CSMD1: variants seen among roughly 807,000 people sequenced by gnomAD.
CSMD1 encodes the protein CUB and Sushi multiple domains 1.
CSMD1 carries 213 observed loss-of-function variants against 417.5 expected under a neutral mutation model. The ratio of observed to expected loss-of-function variants is 0.51; its 90% CI spans 0.46 to 0.57. The LOEUF (loss-of-function observed/expected upper bound fraction) is 0.57, where lower values mean the gene tolerates loss of function less well. Among genes scored for constraint, CSMD1 ranks in the 20% least tolerant of loss-of-function variants. The pLI is 0.00. For missense variants in CSMD1, 6,923 were observed against 4,529.7 expected (o/e 1.53, Z -15.17); for synonymous variants, 2,862 against 1,736.8 (o/e 1.65, Z -16.11).
chr8:4,453,867 G>A (rs1043058957), intron 2 of CSMD1, among the ~76,000 whole-genome samples: 6 of 115,560 alleles, frequency 5.2e-5, no homozygotes, highest in African/African-American at 1.3e-4. Context: ...TGTCACCCAC[G>A]CTGGAGTGCA....
At chr8:4,179,008 T>C (rs1157809721) in intron 3 of CSMD1, among the ~76,000 whole-genome samples, 2 of 152,084 alleles carry the variant, frequency 1.3e-5, no homozygotes, top group Non-Finnish European at 1.5e-5. Context: ...CTGCCCAAGG[T>C]AATTTATACA....
rs532908339 is a variant in CSMD1, at chr8:3,413,280, A to G, written c.1562-3675T>C. Reference sequence around the variant, plus strand: ...GCATTTTGGGGATACTATTTTTAATATTAATTAACTCAGGGAGCTCTACTG... The same window carrying G: ...GCATTTTGGGGATACTATTTTTAATGTTAATTAACTCAGGGAGCTCTACTG... On this transcript the variant is annotated intron_variant, in intron 12 of 69. Coordinates refer to ENST00000635120, the MANE Select transcript of CSMD1 (RefSeq NM_033225.6). Among the ~76,000 whole-genome samples, 5 of 152,284 alleles carry G rather than the reference A, an allele frequency of 3.3e-5. No individual in the cohort carries two copies. The East Asian group carries it at 5.8e-4, about 18-fold the overall frequency.
chr8:3,178,619 T>C (rs932003840), intron 37 of CSMD1, among the ~76,000 whole-genome samples: 1 of 152,208 alleles, frequency 6.6e-6, no homozygotes, highest in Non-Finnish European at 1.5e-5. Context: ...TATGCTCTGT[T>C]TCTTCAGTTG....
chr8:3,738,435 T>C (rs1563327074), intron 6 of CSMD1, among the ~76,000 whole-genome samples: 1 of 152,226 alleles, frequency 6.6e-6, no homozygotes. Context: ...TTTATTTCAA[T>C]TTTGGGGGAA....
intron 3 of CSMD1, among the ~76,000 whole-genome samples, chr8:4,354,697 G>A (rs1166433204): frequency 2.6e-5 from 4 of 152,104 alleles, no homozygotes; most frequent in South Asian, 4.1e-4. Flanking sequence ...TATTGTCACC[G>A]TGTATATTTT....
At chr8:4,300,066 C>G (rs1797897112) in intron 3 of CSMD1, among the ~76,000 whole-genome samples, 1 of 152,198 alleles carries the variant, frequency 6.6e-6, no homozygotes, top group South Asian at 2.1e-4. Flanking sequence ...TCATACATGT[C>G]AGAACATCTG....
chr8:3,084,040 C>T (rs1243099088), intron 49 of CSMD1, among the ~76,000 whole-genome samples: 1 of 152,132 alleles, frequency 6.6e-6, no homozygotes, highest in African/African-American at 2.4e-5. Context: ...GTTGTCATTT[C>T]TCCTTGGGTC....
At chr8:3,335,230 C>T (rs367623933) in intron 23 of CSMD1, among the ~76,000 whole-genome samples, 1 of 152,072 alleles carries the variant, frequency 6.6e-6, no homozygotes, top group South Asian at 2.1e-4. Context: ...TTGCCCATAC[C>T]CTCTGCTCTG....
At chr8:4,782,591 T>A (rs1797208992) in intron 1 of CSMD1, among the ~76,000 whole-genome samples, 1 of 152,182 alleles carries the variant, frequency 6.6e-6, no homozygotes, top group Non-Finnish European at 1.5e-5. Flanking sequence ...CATTTCACAT[T>A]CTTTGTAGGT....
At chr8:3,151,205 G>T in intron 40 of CSMD1, 192 bp downstream of exon 40, 2 of 509,530 alleles carry the variant, frequency 3.9e-6, no homozygotes, top group South Asian at 3.1e-5. Flanking sequence ...AGAGTTGCAT[G>T]GCTTAATTGA....
intron 49 of CSMD1, among the ~76,000 whole-genome samples, chr8:3,078,529 T>G (rs1207834659): frequency 6.6e-6 from 1 of 152,190 alleles, no homozygotes; most frequent in South Asian, 2.1e-4. Context: ...CTTGGAAGAT[T>G]AATTTGATCC....
At chr8:4,112,286 G>A (rs1476423596) in intron 3 of CSMD1, among the ~76,000 whole-genome samples, 2 of 152,160 alleles carry the variant, frequency 1.3e-5, no homozygotes, top group Non-Finnish European at 2.9e-5. Flanking sequence ...ACACCTTTCT[G>A]TGCCTGCTCC....
rs142215183 is a variant in CSMD1 at position 3,859,585 on chromosome 8, C to T, written c.819-105543G>A. Among the ~76,000 whole-genome samples the T allele has an allele frequency of 4.4e-3, 665 of 152,200 alleles. 3 individuals are homozygous for T. The highest frequency in any genetic ancestry group is 0.015 in the African/African-American group (637 of 41,544). On this transcript the variant is annotated intron_variant, in intron 5 of 69. Coordinates refer to ENST00000635120, the MANE Select transcript of CSMD1 (RefSeq NM_033225.6). ...AATCTTAGTGCGAAGTTGGGTCATG[C>T]CAGAAAGACCAACCATGTTATTTAT... is the stretch of plus-strand genomic sequence containing the variant.
chr8:3,813,643 G>T (rs144285562), intron 5 of CSMD1, among the ~76,000 whole-genome samples: 3 of 152,064 alleles, frequency 2.0e-5, no homozygotes, highest in African/African-American at 7.2e-5. Flanking sequence ...AACATATTAT[G>T]TTAATTATAC....
chr8:3,413,592 A>G (rs1036134217), intron 12 of CSMD1, among the ~76,000 whole-genome samples: 2 of 152,208 alleles, frequency 1.3e-5, no homozygotes, highest in African/African-American at 2.4e-5. Context: ...ATGTTTCATG[A>G]TTATGCCAGC....
At chr8:4,729,978 A>G (rs1317951696) in intron 1 of CSMD1, among the ~76,000 whole-genome samples, 1 of 152,096 alleles carries the variant, frequency 6.6e-6, no homozygotes, top group Non-Finnish European at 1.5e-5. Context: ...GGGACAAATC[A>G]CTTCTCCTCT....
At chr8:4,192,146 C>A (rs1366953285) in intron 3 of CSMD1, among the ~76,000 whole-genome samples, 1 of 152,072 alleles carries the variant, frequency 6.6e-6, no homozygotes, top group East Asian at 1.9e-4. Context: ...CGTCTTCACT[C>A]CAGTGCACCA....
chr8:4,299,894 G>A (rs911167832), intron 3 of CSMD1, among the ~76,000 whole-genome samples: 1 of 152,098 alleles, frequency 6.6e-6, no homozygotes, highest in Admixed American at 6.6e-5. Flanking sequence ...CTCCCAAACT[G>A]CTAGGATTAC....
rs78432209 is a variant in CSMD1, at chr8:2,937,437, C to CAAAAAAAAAAAAA, written c.*1135_*1147dup. The CAAAAAAAAAAAAA allele has an allele frequency of 5.3e-5, 6 of 114,058 alleles. No individual in the cohort carries two copies. Among genetic ancestry groups the CAAAAAAAAAAAAA allele is most frequent in the Admixed American group, 9.0e-5 (1 of 11,058 alleles). 7.1% of individuals were successfully genotyped at this position (114,058 alleles called of 1,614,324 possible). On this transcript the variant is annotated 3_prime_UTR_variant, in exon 70 of 70. Transcript: ENST00000635120. ...CAAAGATCGATGGCACAGTAAAAGACAAAAAAAAAAAAAAACAAAAAAAAA... is the reference window on the plus strand; with the variant it reads ...CAAAGATCGATGGCACAGTAAAAGACAAAAAAAAAAAAAAAAAAAAAAAAAAAACAAAAAAAAA...
Sources: allele counts gnomAD v4.1 joint callset (sites outside exome capture counted in the v4.1 genomes callset), GRCh38; gene constraint gnomAD v4.1.1; transcripts MANE v1.5; gene names NCBI Gene and HGNC (gene_info 2026-07-23, HGNC 2026-07-21).